The following GALNT9 variants were observed in gnomAD, a reference collection of about 807,000 sequenced individuals.
GALNT9 encodes the protein polypeptide N-acetylgalactosaminyltransferase 9, also known as GalNAc transferase 9.
Under a neutral mutation model 63.1 loss-of-function variants are expected in GALNT9, and 47 were observed. That is an observed-to-expected ratio of 0.75 (90% CI 0.59 to 0.95). The LOEUF is 0.95. Among genes scored for constraint, GALNT9 ranks in the 40% least tolerant of loss-of-function variants. The pLI is 0.00. For synonymous variants in GALNT9, 396 were observed against 365.7 expected (o/e 1.08, Z -0.94); for missense variants, 829 against 874.8 (o/e 0.95, Z 0.66).
intron 1 of GALNT9, among the ~76,000 whole-genome samples, chr12:132,325,111 G>A (rs1465528807): frequency 3.3e-5 from 5 of 152,206 alleles, no homozygotes; most frequent in Non-Finnish European, 5.9e-5. Context: ...ATGTGGCCCC[G>A]GCTCAGGCCT....
chr12:132,259,118 A>G (rs1555239457), intron 4 of GALNT9, among the ~76,000 whole-genome samples: 1 of 152,254 alleles, frequency 6.6e-6, no homozygotes, highest in Admixed American at 6.5e-5. Context: ...GAAGTGCTTC[A>G]GAGATGAAAA....
rs1555246636 is a variant in GALNT9, at chr12:132,327,980, G to C, written c.238+986C>G. On this transcript the variant is annotated intron_variant, in intron 1 of 10. Coordinates refer to ENST00000328957, the MANE Select transcript of GALNT9 (RefSeq NM_001122636.2). The surrounding 1 kb of genome is among the most constrained non-coding windows in gnomAD (Gnocchi z 4.3). ...GTCACCTCCCACTCGAGCCTGTTAC[G>C]GATGCTTTCTGGAGGAGGTTTGCTG... Among the ~76,000 whole-genome samples the C allele has an allele frequency of 3.3e-5, 5 of 152,274 alleles. No individual in the cohort carries two copies. Among genetic ancestry groups the C allele is most frequent in the South Asian group, 2.1e-4 (1 of 4,822 alleles).
chr12:132,282,671 C>G lies in GALNT9; in HGVS notation c.419+3579G>C, dbSNP rs559679928. The stretch of plus-strand genomic sequence containing the variant: ...GGGAAAAGGCTGCCTGTTTTTTTCT[C>G]GATGGCCCGCTGGTAATTCCAGAAT... On this transcript the variant is annotated intron_variant, in intron 2 of 10. Transcript: ENST00000328957. This position sits in a 1 kb window ranked among gnomAD's most constrained non-coding sequence, Gnocchi z 4.5. The G allele has an allele frequency of 1.3e-5, 2 of 152,088 alleles. No individual in the cohort carries two copies. The highest frequency in any genetic ancestry group is 3.9e-4 in the East Asian group (2 of 5,182). The allele number at this position is 152,088 out of a possible 1,614,324, so 9.4% of individuals were successfully genotyped here.
rs1441998098 is a variant in GALNT9, at chr12:132,303,377, TCTCCGGGG to T, written c.239-16955_239-16948del. ...AGAGGAGAGATGAGAAGCAGCACCC[TCTCCGGGG>T]CACAGCCTCGCCCGGGCACACCCTC... is the stretch of plus-strand genomic sequence containing the variant. On this transcript the variant is annotated intron_variant, in intron 1 of 10. Coordinates refer to ENST00000328957, the MANE Select transcript of GALNT9 (RefSeq NM_001122636.2). 7.3e-3 allele frequency among the ~76,000 whole-genome samples: 1,084 copies of T among 148,598 alleles called. 57 individuals carry two copies. The highest frequency in any genetic ancestry group is 0.024 in the African/African-American group (933 of 38,948).
At chr12:132,240,661 T>C (rs2136899109) in intron 6 of GALNT9, 12 of 454,732 alleles carry the variant, frequency 2.6e-5, no homozygotes, top group Non-Finnish European at 5.3e-5. Flanking sequence ...CTTCACTCTC[T>C]GCCGTGTTTT....
At chr12:132,241,799 C>A (rs1304830587) in intron 6 of GALNT9, among the ~76,000 whole-genome samples, 1 of 13,108 alleles carries the variant, frequency 7.6e-5, no homozygotes, top group Non-Finnish European at 1.4e-4. Context: ...CACGCCACAC[C>A]CCCTTCCCGG....
intron 6 of GALNT9, among the ~76,000 whole-genome samples, chr12:132,225,354 A>G (rs1877629212): frequency 2.3e-5 from 3 of 131,494 alleles, no homozygotes; most frequent in Non-Finnish European, 4.8e-5. Context: ...ACATATACAT[A>G]CCACACAACT....
intron 2 of GALNT9, chr12:132,280,555 A>G (rs1880295468): frequency 6.6e-6 from 1 of 152,252 alleles, no homozygotes; most frequent in African/African-American, 2.4e-5. Flanking sequence ...ACGGGGCCCC[A>G]CGTCCTCCCC....
intron 1 of GALNT9, among the ~76,000 whole-genome samples, chr12:132,301,833 G>T (rs1375313667): frequency 1.3e-5 from 2 of 152,198 alleles, no homozygotes; most frequent in East Asian, 3.9e-4. Flanking sequence ...CAAGATGGAG[G>T]GGTCTGCATT....
intron 6 of GALNT9, among the ~76,000 whole-genome samples, chr12:132,221,862 T>C (rs1877465676): frequency 6.6e-6 from 1 of 152,030 alleles, no homozygotes; most frequent in Non-Finnish European, 1.5e-5. Flanking sequence ...TGGAATCGAA[T>C]TTCAGCAAAA....
In GALNT9 at chr12:132,236,939, C is replaced by G. The variant is rs1878025476; in HGVS notation, c.1077+10971G>C. On this transcript the variant is annotated intron_variant, in intron 6 of 10. Coordinates refer to ENST00000328957, the MANE Select transcript of GALNT9 (RefSeq NM_001122636.2). The surrounding 1 kb of genome is among the most constrained non-coding windows in gnomAD (Gnocchi z 5.6). ...CACAGCCTGGCTTCCTCCCGCAGGCCCCACAGCTGTTCTTATCCTCATCCA... is the reference window on the plus strand; with the variant it reads ...CACAGCCTGGCTTCCTCCCGCAGGCGCCACAGCTGTTCTTATCCTCATCCA... 6.6e-6 allele frequency among the ~76,000 whole-genome samples: 1 copy of G among 152,158 alleles called. No homozygotes were observed. The highest frequency in any genetic ancestry group is 1.5e-5 in the Non-Finnish European group (1 of 68,022).
intron 6 of GALNT9, among the ~76,000 whole-genome samples, chr12:132,230,741 G>A (rs1007853904): frequency 6.6e-6 from 1 of 152,230 alleles, no homozygotes; most frequent in African/African-American, 2.4e-5. Flanking sequence ...GCTGGCTGAC[G>A]TGTGATAGCC....
rs1020838737 is a variant in GALNT9 at position 132,286,222 on chromosome 12, G to A, written c.419+28C>T. ...GGCGGTCACTTCCTCGGCGGGCGTC[G>A]GGGGATGGGGGGCAGTCACTCACTC... On this transcript the variant is annotated intron_variant, in intron 2 of 10. Transcript: ENST00000328957. The surrounding 1 kb of genome is among the most constrained non-coding windows in gnomAD (Gnocchi z 7.4). 8 of 1,533,720 alleles carry A rather than the reference G, an allele frequency of 5.2e-6. No homozygotes were observed. Among genetic ancestry groups the A allele is most frequent in the African/African-American group, 4.1e-5 (3 of 72,340 alleles).
In GALNT9 at chr12:132,203,642, C is replaced by G; in HGVS notation, c.1126G>C (p.Ala376Pro). Residue 376 changes from alanine to proline, a missense_variant, in exon 7 of 11, where the codon GCC (alanine) becomes CCC (proline). Transcript: ENST00000328957. ...GGCTTCCTGGTGCGCTCGATGTGGG[C>G]CACGCGGGAGCAGGGCAGCACCTCC... ...SMEVLPCSRV[A>P]HIERTRKPYN... 6.2e-7 allele frequency: 1 copy of G among 1,613,820 alleles called. No homozygotes were observed. Among genetic ancestry groups the G allele is most frequent in the Non-Finnish European group, 8.5e-7 (1 of 1,179,850 alleles).
At chr12:132,260,844 C>T (rs1484543155) in intron 4 of GALNT9, 104 bp downstream of exon 4, 61 of 1,417,150 alleles carry the variant, frequency 4.3e-5, no homozygotes, top group Middle Eastern at 2.4e-4. Context: ...CTCCCAGCCC[C>T]GGGGCCAACC....
At chr12:132,198,402 C>T (rs981317283) in intron 9 of GALNT9, among the ~76,000 whole-genome samples, 4 of 148,158 alleles carry the variant, frequency 2.7e-5, no homozygotes, top group African/African-American at 9.9e-5. Context: ...TTCACTACGG[C>T]CAGCCCCTGA....
intron 1 of GALNT9, among the ~76,000 whole-genome samples, chr12:132,304,062 C>T (rs1445360445): frequency 5.5e-5 from 2 of 36,148 alleles, no homozygotes; most frequent in African/African-American, 2.3e-4. Context: ...CCCGGGCACA[C>T]CCTCACCTGG....
At position 132,245,697 on chromosome 12, in the gene GALNT9, C is replaced by T. The variant is rs1555237954; in HGVS notation, c.1077+2213G>A. The stretch of plus-strand genomic sequence containing the variant: ...CTCGCCCACCACACAGGTTCGCTGT[C>T]GTCCCGGCTTTGCTCTGAGCCTGAG... On this transcript the variant is annotated intron_variant, in intron 6 of 10. Coordinates refer to ENST00000328957, the MANE Select transcript of GALNT9 (RefSeq NM_001122636.2). The surrounding 1 kb of genome is among the most constrained non-coding windows in gnomAD (Gnocchi z 6.3). Among the ~76,000 whole-genome samples, 1 of 152,250 alleles carries T rather than the reference C, an allele frequency of 6.6e-6. No individual in the cohort carries two copies. The highest frequency in any genetic ancestry group is 1.5e-5 in the Non-Finnish European group (1 of 68,044).
At chr12:132,317,238 C>T (rs1868557318) in intron 1 of GALNT9, among the ~76,000 whole-genome samples, 1 of 151,942 alleles carries the variant, frequency 6.6e-6, no homozygotes, top group Non-Finnish European at 1.5e-5. Context: ...CTCCACAGAG[C>T]AGGGCCTGAA....
Sources: gnomAD v4.1 joint callset for allele counts (sites outside exome capture counted in the v4.1 genomes callset) on GRCh38, gnomAD v4.1.1 for gene constraint, Gnocchi (gnomAD v3.1) non-coding constraint, MANE v1.5 for transcripts, NCBI Gene and HGNC (gene_info 2026-07-23, HGNC 2026-07-21) for gene names.